Variants in ZDHHC3 observed in about 807,000 individuals in gnomAD.
The protein encoded by ZDHHC3 is palmitoyltransferase ZDHHC3.
Under a neutral mutation model 30.6 loss-of-function variants are expected in ZDHHC3, and 9 were observed. The observed-to-expected ratio is 0.29, with a 90% CI of 0.18 to 0.51. The LOEUF (loss-of-function observed/expected upper bound fraction) is 0.51, where lower values mean the gene tolerates loss of function less well. Among genes scored for constraint, ZDHHC3 ranks in the 20% least tolerant of loss-of-function variants. The probability of loss-of-function intolerance (pLI) is 0.97; values close to 1 mark genes in which losing one functional copy is unlikely to be tolerated. For synonymous variants in ZDHHC3, 136 were observed against 140.2 expected, an observed-to-expected ratio of 0.97 and a Z score of 0.21; for missense variants, 246 against 384.2, an observed-to-expected ratio of 0.64 and a Z score of 3.01.
At chr3:44,967,735 T>A (rs942376780) in intron 1 of ZDHHC3, among the ~76,000 whole-genome samples, 7 of 152,216 alleles carry the variant, frequency 4.6e-5, no homozygotes, top group Non-Finnish European at 8.8e-5. Context: ...TTAAAAAAAA[T>A]CAGAATTTTA....
intron 2 of ZDHHC3, among the ~76,000 whole-genome samples, chr3:44,948,139 C>T (rs984726203): frequency 2.0e-5 from 3 of 152,136 alleles, no homozygotes; most frequent in Non-Finnish European, 2.9e-5. Context: ...TAAGACTGTC[C>T]CCACATTCTG....
rs568001124 is a variant in ZDHHC3 at position 44,924,361 on chromosome 3, T to C, written c.*2328A>G. On this transcript the variant is annotated 3_prime_UTR_variant, in exon 7 of 7. Coordinates refer to ENST00000424952, the MANE Select transcript of ZDHHC3 (RefSeq NM_001135179.2). Reference sequence around the variant, plus strand: ...AATATCAGTCTGAACAAAAATGAAATAGGAAAAATGCCAGGAACCTTGGGG... The same window carrying C: ...AATATCAGTCTGAACAAAAATGAAACAGGAAAAATGCCAGGAACCTTGGGG... 156 of 985,190 alleles carry C rather than the reference T, an allele frequency of 1.6e-4. No homozygotes were observed. Among genetic ancestry groups the C allele is most frequent in the Non-Finnish European group, 1.8e-4 (152 of 829,906 alleles). 61.0% of individuals were successfully genotyped at this position (985,190 alleles called of 1,614,324 possible).
chr3:44,933,120 G>A lies in ZDHHC3; in HGVS notation c.608C>T (p.Thr203Ile), dbSNP rs1178169935. 1 of 1,614,036 alleles carries A rather than the reference G, an allele frequency of 6.2e-7. No homozygotes were observed. The highest frequency in any genetic ancestry group is 8.5e-7 in the Non-Finnish European group (1 of 1,180,012). ...HFLHCFEEDWTKCSSFSPPTT... is the reference protein window; with the variant it reads ...HFLHCFEEDWIKCSSFSPPTT... Reference sequence around the variant, plus strand: ...GGAAAGCCTCAGCACATACTCACTTGTCCAATCTTCTTCAAAGCAATGCAG... The same window carrying A: ...GGAAAGCCTCAGCACATACTCACTTATCCAATCTTCTTCAAAGCAATGCAG... The change falls in exon 5 of 7, where the codon ACA becomes ATA. Residue 203 changes from threonine (T) to isoleucine (I), a missense_variant and splice_region_variant. Coordinates refer to ENST00000424952, the MANE Select transcript of ZDHHC3 (RefSeq NM_001135179.2).
chr3:44,941,606 G>A (rs980669275), intron 3 of ZDHHC3, among the ~76,000 whole-genome samples: 4 of 151,882 alleles, frequency 2.6e-5, no homozygotes, highest in Non-Finnish European at 4.4e-5. Flanking sequence ...GTGTGGAGGC[G>A]GGGGGCTGCC....
chr3:44,950,073 G>A (rs1158354665), intron 2 of ZDHHC3, among the ~76,000 whole-genome samples: 1 of 152,158 alleles, frequency 6.6e-6, no homozygotes, highest in Non-Finnish European at 1.5e-5. Flanking sequence ...GGACTCAAGC[G>A]ATCCTCCTGC....
intron 3 of ZDHHC3, among the ~76,000 whole-genome samples, chr3:44,934,364 T>C (rs1042921653): frequency 2.0e-5 from 3 of 151,794 alleles, no homozygotes; most frequent in Non-Finnish European, 4.4e-5. Flanking sequence ...ATTTGGAGAA[T>C]GGCTGCTACC....
At chr3:44,960,745 CA>C (rs956722344) in intron 1 of ZDHHC3, among the ~76,000 whole-genome samples, 17 of 152,334 alleles carry the variant, frequency 1.1e-4, no homozygotes, top group African/African-American at 4.1e-4. Flanking sequence ...CTCAACTACA[CA>C]GCAGAAGAAA....
Position 44,926,614 on chromosome 3 carries a change from C to T in ZDHHC3, c.*75G>A, listed in dbSNP as rs1314060231. 1 of 1,348,524 alleles carries T rather than the reference C, an allele frequency of 7.4e-7. No individual in the cohort carries two copies. The highest frequency in any genetic ancestry group is 2.7e-5 in the East Asian group (1 of 36,802). 83.5% of individuals were successfully genotyped at this position (1,348,524 alleles called of 1,614,324 possible). On this transcript the variant is annotated 3_prime_UTR_variant, in exon 7 of 7. Coordinates refer to ENST00000424952, the MANE Select transcript of ZDHHC3 (RefSeq NM_001135179.2). Reference sequence around the variant, plus strand: ...AGTTGTTTTGCTTTTTCGATTTAAACATTCATGAGAACGGATGGGACGGTA... The same window carrying T: ...AGTTGTTTTGCTTTTTCGATTTAAATATTCATGAGAACGGATGGGACGGTA...
Position 44,923,311 on chromosome 3 carries a change from C to T in ZDHHC3, c.*3378G>A, listed in dbSNP as rs989113831. On this transcript the variant is annotated 3_prime_UTR_variant, in exon 7 of 7. Transcript: ENST00000424952. ...CAGGATGATCTCGATCTCTTGACCT[C>T]GTGATCTGCCCGCCTCGGCCTCCCA... The T allele has an allele frequency of 4.7e-5, 46 of 972,962 alleles. No homozygotes were observed. Among genetic ancestry groups the T allele is most frequent in the African/African-American group, 2.3e-4 (13 of 56,936 alleles). 60.3% of individuals were successfully genotyped at this position (972,962 alleles called of 1,614,324 possible). A position where few individuals can be genotyped will look rare whatever the true frequency, so the allele number is the denominator to read the frequency against.
At chr3:44,930,395 C>T (rs1252049929) in intron 5 of ZDHHC3, among the ~76,000 whole-genome samples, 1 of 152,180 alleles carries the variant, frequency 6.6e-6, no homozygotes, top group Non-Finnish European at 1.5e-5. Flanking sequence ...GGCTAGGCCC[C>T]TTGGTTGGCA....
At position 44,917,931 on chromosome 3, in the gene ZDHHC3, T is replaced by C. The variant is rs544663051; in HGVS notation, c.*8758A>G. The C allele has an allele frequency of 1.3e-3, 1,734 of 1,305,118 alleles. No individual in the cohort carries two copies. The highest frequency in any genetic ancestry group is 1.7e-3 in the Non-Finnish European group (1,635 of 988,972). 80.8% of individuals were successfully genotyped at this position (1,305,118 alleles called of 1,614,324 possible). A position where few individuals can be genotyped will look rare whatever the true frequency, so the allele number is the denominator to read the frequency against. On this transcript the variant is annotated 3_prime_UTR_variant, in exon 7 of 7. Coordinates refer to ENST00000424952, the MANE Select transcript of ZDHHC3 (RefSeq NM_001135179.2). ...TCACCTCCACAGAGTCCTCGTCCTT[T>C]GTCTCCTCTGATGGATCCTCCATTG...
At position 44,961,392 on chromosome 3, in the gene ZDHHC3, AAAAT is replaced by A. The variant is rs545431773; in HGVS notation, c.-24-1936_-24-1933del. 3.8e-3 allele frequency among the ~76,000 whole-genome samples: 578 copies of A among 152,314 alleles called. 4 individuals are homozygous for A. The highest frequency in any genetic ancestry group is 6.7e-3 in the Non-Finnish European group (454 of 68,018). On this transcript the variant is annotated intron_variant, in intron 1 of 6. Coordinates refer to ENST00000424952, the MANE Select transcript of ZDHHC3 (RefSeq NM_001135179.2). Reference sequence around the variant, plus strand: ...GGGCGACAGTGTGAGACTCTGTCTTAAAATAAATAAATAAATAACCATTTCAAGT... The same window carrying A: ...GGGCGACAGTGTGAGACTCTGTCTTAAAATAAATAAATAACCATTTCAAGT...
intron 1 of ZDHHC3, among the ~76,000 whole-genome samples, chr3:44,964,284 G>C (rs1559719299): frequency 6.6e-6 from 1 of 152,194 alleles, no homozygotes; most frequent in African/African-American, 2.4e-5. Flanking sequence ...CTTTTTCATG[G>C]CAAGGACTTC....
In ZDHHC3 at chr3:44,964,927, G is replaced by C. The variant is rs368492610; in HGVS notation, c.-24-5467C>G. 3.3e-5 allele frequency among the ~76,000 whole-genome samples: 5 copies of C among 152,186 alleles called. 1 individual carries two copies. The highest frequency in any genetic ancestry group is 2.0e-4 in the Admixed American group (3 of 15,290). On this transcript the variant is annotated intron_variant, in intron 1 of 6. Transcript: ENST00000424952. ...AAGTAATTATTATTTTCACCTGATA[G>C]AAGAGTTCACTGAAGCCCAGAAAGG...
intron 3 of ZDHHC3, among the ~76,000 whole-genome samples, chr3:44,936,748 G>C (rs1575815894): frequency 6.6e-6 from 1 of 152,184 alleles, no homozygotes; most frequent in East Asian, 1.9e-4. Flanking sequence ...GGGCCAGAAA[G>C]ATAACTATTG....
rs1701716833 is a variant in ZDHHC3 at position 44,933,938 on chromosome 3, C to T, written c.478G>A (p.Val160Ile). The change falls in exon 4 of 7, where the codon GTC (valine) becomes ATC (isoleucine). Residue 160 changes from valine (V) to isoleucine (I), a missense_variant. By Grantham distance (29) the Val-to-Ile change is conservative. Transcript: ENST00000424952. ...TTGTTCTCGCCTACACAGTTGTTGA[C>T]CCAGGGACAGTGGTGGTCCATCTTC... ...IRKMDHHCPW[V>I]NNCVGENNQK... is the part of the protein sequence containing the mutation. 1.9e-6 allele frequency: 3 copies of T among 1,614,052 alleles called. No individual in the cohort carries two copies. In the African/African-American group the frequency reaches 4.0e-5, roughly 22 times the overall value.
chr3:44,951,350 G>A (rs924712494), intron 2 of ZDHHC3, among the ~76,000 whole-genome samples: 1 of 152,116 alleles, frequency 6.6e-6, no homozygotes, highest in African/African-American at 2.4e-5. Context: ...GAACATAATG[G>A]TACTTGTATG....
rs563473942 is a variant in ZDHHC3, at chr3:44,953,107, C to T, written c.306+6024G>A. ...GTGTTAGTTACTTCTGACAACAAAC[C>T]TATGAGGTAGAGATTGTGGTATTCC... On this transcript the variant is annotated intron_variant, in intron 2 of 6. Coordinates refer to ENST00000424952, the MANE Select transcript of ZDHHC3 (RefSeq NM_001135179.2). Among the ~76,000 whole-genome samples, 16 of 152,302 alleles carry T rather than the reference C, an allele frequency of 1.1e-4. No individual in the cohort carries two copies. In the South Asian group the frequency reaches 3.3e-3, roughly 32 times the overall value.
At position 44,926,005 on chromosome 3, in the gene ZDHHC3, A is replaced by G. The variant is rs893817757; in HGVS notation, c.*684T>C. 7 of 985,762 alleles carry G rather than the reference A, an allele frequency of 7.1e-6. No homozygotes were observed. Among genetic ancestry groups the G allele is most frequent in the African/African-American group, 1.7e-5 (1 of 57,232 alleles). The allele number at this position is 985,762 out of a possible 1,614,324, so 61.1% of individuals were successfully genotyped here. On this transcript the variant is annotated 3_prime_UTR_variant, in exon 7 of 7. Transcript: ENST00000424952. ...ACTCTTCCAAATAATCACAGGGAAT[A>G]TAATTGCTGATTCAGAATACAAATA...
Sources: gnomAD v4.1 joint callset for allele counts (sites outside exome capture counted in the v4.1 genomes callset) on GRCh38, gnomAD v4.1.1 for gene constraint, MANE v1.5 for transcripts, NCBI Gene and HGNC (gene_info 2026-07-23, HGNC 2026-07-21) for gene names.